Variants in NAALADL2 observed in about 807,000 individuals in gnomAD.
NAALADL2 encodes inactive N-acetylated-alpha-linked acidic dipeptidase-like protein 2.
In NAALADL2, 76 loss-of-function variants were observed where a neutral mutation model predicts 87.2. That is an observed-to-expected ratio of 0.87 (90% CI 0.72 to 1.05). The LOEUF (loss-of-function observed/expected upper bound fraction) is 1.05. Among genes scored for constraint, NAALADL2 ranks in the 50% least tolerant of loss-of-function variants. The pLI is 0.00. For synonymous variants in NAALADL2, 354 were observed against 331.0 expected, an observed-to-expected ratio of 1.07 and a Z score of -0.75; for missense variants, 1,089 against 945.8, an observed-to-expected ratio of 1.15 and a Z score of -1.99.
chr3:174,625,057 CTTTT>C (rs1553802468), intron 2 of NAALADL2, among the ~76,000 whole-genome samples: 56 of 78,854 alleles, frequency 7.1e-4, no homozygotes, highest in African/African-American at 2.7e-3. Context: ...CTCTCTCTCT[CTTTT>C]TTTTTTTTTT....
intron 3 of NAALADL2, among the ~76,000 whole-genome samples, chr3:174,745,435 G>A (rs1171984723): frequency 2.0e-5 from 3 of 152,124 alleles, no homozygotes; most frequent in Non-Finnish European, 4.4e-5. Context: ...TTCTGAAGTT[G>A]AGGCAGTAAT....
chr3:175,791,067 C>T (rs1344554048), intron 13 of NAALADL2, among the ~76,000 whole-genome samples: 2 of 152,150 alleles, frequency 1.3e-5, no homozygotes, highest in African/African-American at 4.8e-5. Context: ...TCTTAAGCAC[C>T]TTTAAAAGTT....
chr3:174,552,780 AGT>A (rs1712281930), intron 2 of NAALADL2, among the ~76,000 whole-genome samples: 1 of 130,960 alleles, frequency 7.6e-6, no homozygotes, highest in Non-Finnish European at 1.6e-5. Context: ...TGGGCAGCAG[AGT>A]GAGACCCTGC....
intron 3 of NAALADL2, among the ~76,000 whole-genome samples, chr3:174,799,950 G>T (rs916973122): frequency 2.0e-5 from 3 of 152,156 alleles, no homozygotes. Flanking sequence ...TTTTGCCCCT[G>T]CCCTAGAGAT....
At chr3:174,536,047 T>C (rs1054146643) in intron 1 of NAALADL2, among the ~76,000 whole-genome samples, 48 of 152,062 alleles carry the variant, frequency 3.2e-4, no homozygotes, top group African/African-American at 1.0e-3. Context: ...CTTAGGAACA[T>C]CAAATATAAA....
chr3:174,636,618 T>G (rs1487427258), intron 2 of NAALADL2, among the ~76,000 whole-genome samples: 1 of 152,090 alleles, frequency 6.6e-6, no homozygotes, highest in Non-Finnish European at 1.5e-5. Context: ...CATCTTACCC[T>G]AGTTAGAATG....
chr3:174,711,836 G>T (rs1730663127), intron 2 of NAALADL2, among the ~76,000 whole-genome samples: 1 of 152,198 alleles, frequency 6.6e-6, no homozygotes, highest in Non-Finnish European at 1.5e-5. Flanking sequence ...GTCTCTTTCT[G>T]TTGCCCAAGC....
intron 3 of NAALADL2, among the ~76,000 whole-genome samples, chr3:175,252,223 G>A (rs545580504): frequency 1.3e-5 from 2 of 152,292 alleles, no homozygotes; most frequent in East Asian, 3.9e-4. Context: ...CATTTAGCAA[G>A]TCTGTTGGTA....
intron 1 of NAALADL2, among the ~76,000 whole-genome samples, chr3:174,469,070 A>G (rs1716728131): frequency 6.6e-6 from 1 of 151,784 alleles, no homozygotes; most frequent in African/African-American, 2.4e-5. Flanking sequence ...GCCTAACTAT[A>G]TTCTGTGACC....
intron 2 of NAALADL2, among the ~76,000 whole-genome samples, chr3:174,702,609 T>G: frequency 6.6e-6 from 1 of 152,258 alleles, no homozygotes. Context: ...TATTGCCTAC[T>G]ACACAGCTAG....
At chr3:175,078,883 T>C (rs967490967) in intron 1 of NAALADL2, among the ~76,000 whole-genome samples, 7 of 152,254 alleles carry the variant, frequency 4.6e-5, no homozygotes, top group African/African-American at 1.7e-4. Flanking sequence ...CTATGATTAA[T>C]GCTGCTCTAA....
rs1055265085 is a variant in NAALADL2 at position 175,313,261 on chromosome 3, A to G, written c.940-10914A>G. On this transcript the variant is annotated intron_variant, in intron 4 of 13. Coordinates refer to ENST00000454872, the MANE Select transcript of NAALADL2 (RefSeq NM_207015.3). The stretch of plus-strand genomic sequence containing the variant: ...ATAGTCACATTCTGAAGTATACTAG[A>G]TGTCAGGACTTCAACATATGCATTT... Among the ~76,000 whole-genome samples the G allele has an allele frequency of 5.9e-5, 9 of 152,232 alleles. No homozygotes were observed. In the South Asian group the frequency reaches 8.3e-4, roughly 14 times the overall value.
At chr3:175,236,153 A>G (rs1173409728) in intron 3 of NAALADL2, among the ~76,000 whole-genome samples, 4 of 152,110 alleles carry the variant, frequency 2.6e-5, no homozygotes, top group African/African-American at 7.2e-5. Flanking sequence ...TGACTCCTTT[A>G]TACTCCGGAC....
intron 13 of NAALADL2, among the ~76,000 whole-genome samples, chr3:175,780,744 T>C (rs1308349131): frequency 6.6e-6 from 1 of 152,160 alleles, no homozygotes; most frequent in African/African-American, 2.4e-5. Context: ...CTACATGGAG[T>C]TGAATAGAAA....
intron 1 of NAALADL2, among the ~76,000 whole-genome samples, chr3:175,091,520 A>G (rs895861450): frequency 1.3e-5 from 2 of 152,058 alleles, no homozygotes; most frequent in Admixed American, 6.6e-5. Flanking sequence ...CAAGTAGGAA[A>G]GCCTTTATAT....
At chr3:175,585,169 A>T (rs75807851) in intron 10 of NAALADL2, among the ~76,000 whole-genome samples, 78 of 151,260 alleles carry the variant, frequency 5.2e-4, no homozygotes, top group African/African-American at 1.2e-3. Context: ...ACTTTAAAAA[A>T]TTTTTTTTGT....
Position 174,862,443 on chromosome 3 carries a change from C to T in NAALADL2, c.43+2993C>T, listed in dbSNP as rs16865225. On this transcript the variant is annotated intron_variant, in intron 1 of 13. Transcript: ENST00000454872. Reference sequence around the variant, plus strand: ...AGGGCTTCTTACCTCTTCTCTGCCTCGAAGGATGTCCATTTCCTACTTCTC... The same window carrying T: ...AGGGCTTCTTACCTCTTCTCTGCCTTGAAGGATGTCCATTTCCTACTTCTC... 2.0e-3 allele frequency among the ~76,000 whole-genome samples: 310 copies of T among 151,970 alleles called. 1 individual carries two copies. Among genetic ancestry groups the T allele is most frequent in the African/African-American group, 7.2e-3 (300 of 41,464 alleles).
At chr3:175,195,621 A>G (rs1738870975) in intron 2 of NAALADL2, among the ~76,000 whole-genome samples, 1 of 151,878 alleles carries the variant, frequency 6.6e-6, no homozygotes, top group Non-Finnish European at 1.5e-5. Flanking sequence ...TGATGAATGC[A>G]AAGAGGTAAA....
At position 175,233,941 on chromosome 3, in the gene NAALADL2, C is replaced by A. The variant is rs1282452469; in HGVS notation, c.556C>A (p.Gln186Lys). 2 of 1,569,602 alleles carry A rather than the reference C, an allele frequency of 1.3e-6. No homozygotes were observed. The highest frequency in any genetic ancestry group is 1.8e-5 in the Admixed American group (1 of 56,478). Residue 186 changes from glutamine to lysine, a missense_variant, in exon 3 of 14, where the codon CAA becomes AAA. Coordinates refer to ENST00000454872, the MANE Select transcript of NAALADL2 (RefSeq NM_207015.3). ...DIKKSFRNLV[Q>K]LYKNEDDMEI... ...TCAAATTTATTTCAGAAATTTGGTA[C>A]AACTATATAAAAATGAAGATGACAT... is the stretch of plus-strand genomic sequence containing the variant.
Sources: allele counts gnomAD v4.1 joint callset (sites outside exome capture counted in the v4.1 genomes callset), GRCh38; gene constraint gnomAD v4.1.1; transcripts MANE v1.5; gene names NCBI Gene and HGNC (gene_info 2026-07-23, HGNC 2026-07-21).